The following ITK variants were observed in gnomAD, a reference collection of about 807,000 sequenced individuals.
The protein encoded by ITK is IL2 inducible T cell kinase.
Under a neutral mutation model 87.6 loss-of-function variants are expected in ITK, and 45 were observed. That is an observed-to-expected ratio of 0.51 (90% CI 0.40 to 0.66). The LOEUF (loss-of-function observed/expected upper bound fraction) is 0.66, where lower values mean the gene tolerates loss of function less well. Among genes scored for constraint, ITK ranks in the 30% least tolerant of loss-of-function variants. ITK has a pLI of 0.00. For synonymous variants in ITK, 303 were observed against 273.6 expected, an observed-to-expected ratio of 1.11 and a Z score of -1.06; for missense variants, 605 against 766.3, an observed-to-expected ratio of 0.79 and a Z score of 2.48.
At chr5:157,232,021 A>G (rs775165773) in intron 7 of ITK, among the ~76,000 whole-genome samples, 117 of 147,288 alleles carry the variant, frequency 7.9e-4, no homozygotes, top group Non-Finnish European at 1.5e-3. Context: ...AAAAGTAAAG[A>G]TAATAATATA....
At position 157,246,014 on chromosome 5, in the gene ITK, G is replaced by C; in HGVS notation, c.1633+15G>C. 6.5e-7 allele frequency: 1 copy of C among 1,546,860 alleles called. No homozygotes were observed. Among genetic ancestry groups the C allele is most frequent in the Non-Finnish European group, 8.9e-7 (1 of 1,119,096 alleles). ...GTGGTCATTTGGTGAGTGTCATGCT[G>C]GGCCCCACTGCCCCATGATCTGGGC... On this transcript the variant is annotated intron_variant, in intron 15 of 16. Transcript: ENST00000422843.
intron 1 of ITK, among the ~76,000 whole-genome samples, chr5:157,185,775 T>C (rs1753630038): frequency 6.7e-6 from 1 of 150,144 alleles, no homozygotes; most frequent in Admixed American, 6.6e-5. Context: ...GCCCAGGAGG[T>C]TGAGACTGCA....
intron 4 of ITK, among the ~76,000 whole-genome samples, chr5:157,215,595 G>A (rs1454627957): frequency 1.3e-5 from 2 of 152,186 alleles, no homozygotes; most frequent in Admixed American, 1.3e-4. Context: ...TCTCTGGATA[G>A]GATCCACCAT....
chr5:157,242,971 G>C (rs1246861188), intron 11 of ITK, among the ~76,000 whole-genome samples: 2 of 152,220 alleles, frequency 1.3e-5, no homozygotes, highest in Non-Finnish European at 2.9e-5. Context: ...ACTGGGGAAA[G>C]AGTGCCTCTT....
Position 157,228,315 on chromosome 5 carries a change from A to G in ITK, c.667A>G (p.Ser223Gly), listed in dbSNP as rs200825710. The G allele has an allele frequency of 9.3e-6, 15 of 1,604,442 alleles. 1 individual carries two copies. The Admixed American group carries it at 1.5e-4, about 16-fold the overall frequency. The change falls in exon 7 of 17, where the codon AGC (serine) becomes GGC (glycine). Residue 223 changes from serine (S) to glycine (G), a missense_variant. Physicochemically the swap from Ser to Gly is moderately conservative, Grantham distance 56 (BLOSUM62 0). Around this residue, in one of 3 missense-constraint regions of ITK, gnomAD observed 464 missense variants for 578.0 expected, o/e 0.80. Coordinates refer to ENST00000422843, the MANE Select transcript of ITK (RefSeq NM_005546.4). ...TAACAGGCATGAAGGATATGTACCAAGCAGTTATCTGGTGGAAAAATCTCC... is the reference window on the plus strand; with the variant it reads ...TAACAGGCATGAAGGATATGTACCAGGCAGTTATCTGGTGGAAAAATCTCC... ...DRNGHEGYVP[S>G]SYLVEKSPNN... is the part of the protein sequence containing the mutation.
intron 15 of ITK, among the ~76,000 whole-genome samples, chr5:157,246,868 A>C (rs940318607): frequency 5.3e-5 from 8 of 152,240 alleles, no homozygotes; most frequent in African/African-American, 1.9e-4. Flanking sequence ...GGCCATCATA[A>C]GGAATTAGAA....
chr5:157,239,326 G>A (rs1033116329), intron 9 of ITK, among the ~76,000 whole-genome samples: 1 of 152,146 alleles, frequency 6.6e-6, no homozygotes, highest in Non-Finnish European at 1.5e-5. Flanking sequence ...TCTCCCACTG[G>A]AGCCAAACAG....
At chr5:157,194,756 T>C (rs163426) in intron 1 of ITK, among the ~76,000 whole-genome samples, 23,330 of 152,196 alleles carry the variant, frequency 0.15, 2,381 homozygotes, top group African/African-American at 0.29. Context: ...TTTATGGTGG[T>C]AATTTAAAGT....
chr5:157,217,703 A>ACAG (rs753000170), intron 4 of ITK, among the ~76,000 whole-genome samples, 164 bp from the exon 5 acceptor site: 40 of 152,336 alleles, frequency 2.6e-4, no homozygotes, highest in South Asian at 6.2e-4. Flanking sequence ...GCTTCTGACA[A>ACAG]GGCCAAGTCA....
At chr5:157,194,515 T>G (rs1217031514) in intron 1 of ITK, among the ~76,000 whole-genome samples, 1 of 152,210 alleles carries the variant, frequency 6.6e-6, no homozygotes, top group Non-Finnish European at 1.5e-5. Context: ...GAGGAAAGTA[T>G]TAGCCTAGCG....
intron 6 of ITK, among the ~76,000 whole-genome samples, chr5:157,226,647 G>A (rs1033117490): frequency 1.3e-5 from 2 of 152,124 alleles, no homozygotes; most frequent in Non-Finnish European, 2.9e-5. Context: ...GGCACCTACA[G>A]TCTTGATTTC....
chr5:157,182,378 T>A (rs1322188721), intron 1 of ITK, among the ~76,000 whole-genome samples: 1 of 152,170 alleles, frequency 6.6e-6, no homozygotes. Flanking sequence ...AGCCTATGGA[T>A]GCCTCACTTT....
intron 12 of ITK, 89 bp downstream of exon 12, chr5:157,243,883 T>C: frequency 1.6e-6 from 2 of 1,231,696 alleles, no homozygotes. Flanking sequence ...CAGGGGGTAC[T>C]ATCTCCCTGC....
chr5:157,187,454 C>T (rs1455138272), intron 1 of ITK, among the ~76,000 whole-genome samples: 1 of 152,148 alleles, frequency 6.6e-6, no homozygotes, highest in Non-Finnish European at 1.5e-5. Flanking sequence ...GTTAGAGACA[C>T]AAACGAAGCT....
At chr5:157,250,273 T>A (rs1755115153) in intron 16 of ITK, among the ~76,000 whole-genome samples, 1 of 152,240 alleles carries the variant, frequency 6.6e-6, no homozygotes, top group African/African-American at 2.4e-5. Context: ...ACTGTCTTCA[T>A]AGTTTTGCCT....
intron 3 of ITK, 157 bp downstream of exon 3, chr5:157,211,525 A>T: frequency 1.5e-6 from 1 of 677,452 alleles, no homozygotes; most frequent in Non-Finnish European, 2.7e-6. Flanking sequence ...GGGCCCAGGA[A>T]GCAATAACTG....
chr5:157,191,877 C>T (rs1435903112), intron 1 of ITK, among the ~76,000 whole-genome samples: 1 of 152,108 alleles, frequency 6.6e-6, no homozygotes, highest in African/African-American at 2.4e-5. Context: ...AAATCAGCTT[C>T]TTAGGATAGA....
chr5:157,200,692 C>T (rs775757954), intron 1 of ITK, among the ~76,000 whole-genome samples: 36 of 152,244 alleles, frequency 2.4e-4, no homozygotes, highest in Admixed American at 4.6e-4. Flanking sequence ...ATGAGAGTGA[C>T]GTTGACGGTG....
chr5:157,244,749 C>G, intron 13 of ITK: 1 of 429,974 alleles, frequency 2.3e-6, no homozygotes, highest in Non-Finnish European at 4.4e-6. Flanking sequence ...CCTTCTTAAC[C>G]TCTCTGTGAC....
Sources: gnomAD v4.1 joint callset for allele counts (sites outside exome capture counted in the v4.1 genomes callset) on GRCh38, gnomAD v4.1.1 for gene constraint, gnomAD v4.1.1 regional missense constraint, MANE v1.5 for transcripts, NCBI Gene and HGNC (gene_info 2026-07-23, HGNC 2026-07-21) for gene names.